Variants in TBXAS1 observed in about 807,000 individuals in gnomAD.
The protein encoded by TBXAS1 is thromboxane-A synthase.
In TBXAS1, 48 loss-of-function variants were observed where a neutral mutation model predicts 60.7. That is an observed-to-expected ratio of 0.79 (90% CI 0.63 to 1.01). TBXAS1 has a LOEUF of 1.01. Ranked by LOEUF, TBXAS1 falls within the 50% of genes least tolerant of loss-of-function variation. TBXAS1 has a pLI of 0.00. For missense variants in TBXAS1, 685 were observed against 686.3 expected (o/e 1.00, Z 0.02); for synonymous variants, 287 against 269.7 (o/e 1.06, Z -0.63).
chr7:139,938,960 C>T (rs916701928), intron 5 of TBXAS1, among the ~76,000 whole-genome samples: 1 of 152,176 alleles, frequency 6.6e-6, no homozygotes, highest in Non-Finnish European at 1.5e-5. Context: ...GTTTCCCAAG[C>T]AAATCCAGTG....
chr7:139,943,197 A>C (rs1398034639), intron 5 of TBXAS1, among the ~76,000 whole-genome samples: 3 of 152,348 alleles, frequency 2.0e-5, no homozygotes, highest in African/African-American at 7.2e-5. Flanking sequence ...CCTGAACAAT[A>C]AAAATGAACG....
At chr7:140,008,405 T>C (rs1814262986) in intron 10 of TBXAS1, among the ~76,000 whole-genome samples, 1 of 152,058 alleles carries the variant, frequency 6.6e-6, no homozygotes, top group Non-Finnish European at 1.5e-5. Context: ...CTGATCTCCT[T>C]TGGAGCCTCT....
intron 3 of TBXAS1, among the ~76,000 whole-genome samples, chr7:139,901,612 C>G (rs1416671562): frequency 6.6e-6 from 1 of 152,000 alleles, no homozygotes; most frequent in East Asian, 1.9e-4. Flanking sequence ...CACAATCTGT[C>G]AATCACATCA....
intron 4 of TBXAS1, among the ~76,000 whole-genome samples, chr7:139,809,540 C>G (rs1463319748): frequency 6.6e-6 from 1 of 152,152 alleles, no homozygotes; most frequent in Non-Finnish European, 1.5e-5. Context: ...GTGATGCTGA[C>G]AGCATGGCTC....
At chr7:139,947,655 G>C (rs545569931) in intron 5 of TBXAS1, among the ~76,000 whole-genome samples, 1 of 152,320 alleles carries the variant, frequency 6.6e-6, no homozygotes, top group South Asian at 2.1e-4. Context: ...TCCCAGGGTG[G>C]GGATGGTGAT....
At chr7:139,955,362 C>T in intron 6 of TBXAS1, 97 bp from the exon 7 acceptor site, 2 of 1,519,044 alleles carry the variant, frequency 1.3e-6, no homozygotes, top group Non-Finnish European at 1.8e-6. Flanking sequence ...CTGGGCAAGC[C>T]AGTGTAAGCA....
chr7:139,793,450 G>A (rs1455354304), intron 4 of TBXAS1, among the ~76,000 whole-genome samples: 2 of 152,004 alleles, frequency 1.3e-5, no homozygotes, highest in Non-Finnish European at 2.9e-5. Flanking sequence ...CACCTACTCT[G>A]TGCCAAACAC....
chr7:139,857,142 A>G (rs949537145), intron 1 of TBXAS1, among the ~76,000 whole-genome samples: 12 of 152,120 alleles, frequency 7.9e-5, no homozygotes, highest in African/African-American at 2.9e-4. Context: ...CTAGAAGCAA[A>G]CATCCTACTC....
At chr7:139,823,961 T>C (rs1191180014) in intron 4 of TBXAS1, among the ~76,000 whole-genome samples, 2 of 152,178 alleles carry the variant, frequency 1.3e-5, no homozygotes, top group East Asian at 1.9e-4. Context: ...TGCTGACACC[T>C]CTTTCAGCCT....
At chr7:139,846,035 A>G (rs1245345406) in intron 1 of TBXAS1, among the ~76,000 whole-genome samples, 2 of 151,976 alleles carry the variant, frequency 1.3e-5, no homozygotes, top group African/African-American at 4.8e-5. Flanking sequence ...CATGTTGCCC[A>G]GGCTGGGAAC....
intron 1 of TBXAS1, among the ~76,000 whole-genome samples, chr7:139,865,958 TAATGTCAAAAATTGGGAAATATTTTTGAG>T (rs1156503559): frequency 6.6e-6 from 1 of 150,500 alleles, no homozygotes; most frequent in Non-Finnish European, 1.5e-5. Context: ...AGTTAGTTAA[TAATGTCAAAAATTGGGAAATATTTTTGAG>T]AATGAAGAAG....
intron 1 of TBXAS1, among the ~76,000 whole-genome samples, chr7:139,839,519 A>G (rs188560821): frequency 1.3e-5 from 2 of 152,156 alleles, no homozygotes; most frequent in African/African-American, 4.8e-5. Context: ...CAAGACCCAG[A>G]GGTACATAAT....
chr7:139,918,534 C>A (rs544567297), intron 4 of TBXAS1, among the ~76,000 whole-genome samples: 1 of 152,314 alleles, frequency 6.6e-6, no homozygotes, highest in East Asian at 1.9e-4. Context: ...TGGAGAGTTT[C>A]CTGCAAAGAT....
At chr7:139,783,612 G>A (rs1797070323) in intron 3 of TBXAS1, among the ~76,000 whole-genome samples, 1 of 152,184 alleles carries the variant, frequency 6.6e-6, no homozygotes, top group Non-Finnish European at 1.5e-5. Context: ...AAGAAGCTTG[G>A]GGTGGAGGCA....
chr7:139,933,991 C>G (rs759248506), intron 4 of TBXAS1, among the ~76,000 whole-genome samples: 6 of 152,136 alleles, frequency 3.9e-5, no homozygotes, highest in Admixed American at 6.6e-5. Context: ...GTCCTCACCT[C>G]GGAGAAGCCT....
At chr7:139,986,081 C>T (rs1179786949) in intron 9 of TBXAS1, among the ~76,000 whole-genome samples, 2 of 152,166 alleles carry the variant, frequency 1.3e-5, no homozygotes, top group East Asian at 3.8e-4. Context: ...AACAGGCTGG[C>T]GGGCGGAGGA....
chr7:140,002,460 G>A (rs934654359), intron 9 of TBXAS1, among the ~76,000 whole-genome samples: 24 of 152,250 alleles, frequency 1.6e-4, no homozygotes, highest in Non-Finnish European at 3.1e-4. Context: ...TTTAGCATGC[G>A]CTTGTTGCCC....
At chr7:139,956,350 C>T (rs1365477347) in intron 7 of TBXAS1, among the ~76,000 whole-genome samples, 3 of 151,966 alleles carry the variant, frequency 2.0e-5, no homozygotes, top group South Asian at 4.1e-4. Flanking sequence ...TTCTCCATGT[C>T]GGTCAGGCTG....
chr7:139,874,796 C>T (rs1030068998), intron 2 of TBXAS1, among the ~76,000 whole-genome samples: 3 of 152,242 alleles, frequency 2.0e-5, no homozygotes, highest in African/African-American at 7.2e-5. Flanking sequence ...ACTTCTTTCC[C>T]ATTATAAAAT....
Sources: allele counts gnomAD v4.1 joint callset (sites outside exome capture counted in the v4.1 genomes callset), GRCh38; gene constraint gnomAD v4.1.1; transcripts MANE v1.5; gene names NCBI Gene and HGNC (gene_info 2026-07-23, HGNC 2026-07-21).